Variants in FRMD4A observed in about 807,000 individuals in gnomAD.
The protein encoded by FRMD4A is FERM domain-containing protein 4A.
FRMD4A carries 29 observed loss-of-function variants against 129.1 expected under a neutral mutation model. The ratio of observed to expected loss-of-function variants is 0.22; its 90% CI spans 0.17 to 0.31. The LOEUF is 0.31. FRMD4A is among the 10% of genes least tolerant of loss of function. The probability of loss-of-function intolerance (pLI) is 1.00; values close to 1 mark genes in which losing one functional copy is unlikely to be tolerated. For synonymous variants in FRMD4A, 634 were observed against 571.6 expected (o/e 1.11, Z -1.56); for missense variants, 1,272 against 1,375.8 (o/e 0.92, Z 1.19).
At chr10:13,665,115 G>T (rs923366860) in intron 18 of FRMD4A, among the ~76,000 whole-genome samples, 1 of 151,870 alleles carries the variant, frequency 6.6e-6, no homozygotes, top group Non-Finnish European at 1.5e-5. Context: ...CAGGTGATCC[G>T]CCCGCCTCAG....
intron 2 of FRMD4A, among the ~76,000 whole-genome samples, chr10:14,126,427 C>T (rs1292938584): frequency 6.6e-6 from 1 of 152,068 alleles, no homozygotes; most frequent in Non-Finnish European, 1.5e-5. Context: ...CCTCAGCCTC[C>T]TAAAGTTCTG....
At chr10:14,164,396 G>A (rs895570074) in intron 2 of FRMD4A, among the ~76,000 whole-genome samples, 9 of 152,164 alleles carry the variant, frequency 5.9e-5, no homozygotes, top group African/African-American at 2.2e-4. Flanking sequence ...TGAGCCCCAG[G>A]TCCTGCATCC....
At position 13,785,968 on chromosome 10, in the gene FRMD4A, C is replaced by T. The variant is rs187399266; in HGVS notation, c.300-2962G>A. Among the ~76,000 whole-genome samples the T allele has an allele frequency of 9.6e-3, 1,455 of 152,186 alleles. 22 individuals carry two copies. Among genetic ancestry groups the T allele is most frequent in the African/African-American group, 0.033 (1,353 of 41,530 alleles). ...ACATGAACTCATCCTTTTTTGTGGC[C>T]GCATAGTATTCCATGGTGTATATGT... On this transcript the variant is annotated intron_variant, in intron 5 of 24. Coordinates refer to ENST00000357447, the MANE Select transcript of FRMD4A (RefSeq NM_018027.5).
chr10:13,996,429 C>A (rs1599906), intron 2 of FRMD4A, among the ~76,000 whole-genome samples: 40,155 of 152,160 alleles, frequency 0.26, 6,103 homozygotes, highest in East Asian at 0.6. Flanking sequence ...CTCATCTACA[C>A]CCAGGCACAT....
intron 3 of FRMD4A, among the ~76,000 whole-genome samples, chr10:13,828,142 AG>A (rs1564870217): frequency 6.6e-6 from 1 of 152,228 alleles, no homozygotes; most frequent in African/African-American, 2.4e-5. Context: ...TCTTGAAAGC[AG>A]GGATGGTATT....
intron 2 of FRMD4A, among the ~76,000 whole-genome samples, chr10:14,052,856 G>A (rs545218190): frequency 2.0e-5 from 3 of 152,196 alleles, no homozygotes; most frequent in Admixed American, 6.5e-5. Context: ...GAGCCACTGC[G>A]CTCAGCCACC....
chr10:13,777,133 C>T (rs1184922491), intron 6 of FRMD4A, among the ~76,000 whole-genome samples: 1 of 152,178 alleles, frequency 6.6e-6, no homozygotes, highest in Admixed American at 6.5e-5. Context: ...CCTGGGTCTG[C>T]CCGGCAGCAA....
At chr10:13,695,905 C>T (rs2086183331) in intron 14 of FRMD4A, among the ~76,000 whole-genome samples, 2 of 152,202 alleles carry the variant, frequency 1.3e-5, no homozygotes, top group Non-Finnish European at 2.9e-5. Context: ...CCTCTGCCCT[C>T]GACGTTGCTG....
chr10:14,269,653 C>T (rs995445585), intron 2 of FRMD4A, among the ~76,000 whole-genome samples: 5 of 152,078 alleles, frequency 3.3e-5, no homozygotes, highest in Admixed American at 6.6e-5. Flanking sequence ...ATGATTAGAC[C>T]GGGTCCACCT....
intron 2 of FRMD4A, among the ~76,000 whole-genome samples, chr10:14,276,512 T>C (rs72778678): frequency 1.5e-3 from 222 of 152,360 alleles, no homozygotes; most frequent in Non-Finnish European, 2.5e-3. Context: ...CCCAGTCATG[T>C]GGCCTTTTGG....
chr10:13,857,099 C>A (rs1311526062), intron 3 of FRMD4A, among the ~76,000 whole-genome samples: 1 of 152,108 alleles, frequency 6.6e-6, no homozygotes, highest in Non-Finnish European at 1.5e-5. Flanking sequence ...TGACTTTAGG[C>A]CATAGAGTCT....
intron 22 of FRMD4A, 52 bp downstream of exon 22, chr10:13,656,584 C>T: frequency 7.5e-7 from 1 of 1,341,348 alleles, no homozygotes; most frequent in Non-Finnish European, 9.6e-7. Flanking sequence ...TTGACACCGG[C>T]AAGCAGTTCG....
At chr10:13,755,187 T>C (rs1037850255) in intron 8 of FRMD4A, among the ~76,000 whole-genome samples, 2 of 152,212 alleles carry the variant, frequency 1.3e-5, no homozygotes, top group African/African-American at 4.8e-5. Flanking sequence ...GAAAATTAGT[T>C]CTTCGTGTTC....
intron 23 of FRMD4A, chr10:13,653,981 A>T (rs989143481): frequency 7.7e-5 from 19 of 246,058 alleles, no homozygotes; most frequent in African/African-American, 4.5e-4. Flanking sequence ...TTTTTCTTGC[A>T]CCCTGAGACA....
At chr10:14,137,727 G>A (rs2131837139) in intron 2 of FRMD4A, among the ~76,000 whole-genome samples, 1 of 152,208 alleles carries the variant, frequency 6.6e-6, no homozygotes, top group South Asian at 2.1e-4. Flanking sequence ...GCCATCAATT[G>A]CATATATGTT....
chr10:13,741,524 G>A (rs573144681), intron 9 of FRMD4A, among the ~76,000 whole-genome samples: 53 of 152,228 alleles, frequency 3.5e-4, no homozygotes, highest in African/African-American at 1.3e-3. Context: ...AAATGGTACC[G>A]TGGGAACAAG....
intron 3 of FRMD4A, among the ~76,000 whole-genome samples, chr10:13,841,882 C>A (rs7070823): frequency 0.29 from 43,809 of 152,068 alleles, 6,607 homozygotes; most frequent in Middle Eastern, 0.43. Context: ...GGACCCCCAA[C>A]CTTGCAGCTG....
intron 6 of FRMD4A, among the ~76,000 whole-genome samples, chr10:13,775,763 G>A (rs1180713058): frequency 6.6e-6 from 1 of 152,182 alleles, no homozygotes; most frequent in Non-Finnish European, 1.5e-5. Context: ...AACAACAGCA[G>A]TAGCAGCTGC....
At chr10:13,916,139 C>T (rs1342377531) in intron 2 of FRMD4A, among the ~76,000 whole-genome samples, 1 of 152,212 alleles carries the variant, frequency 6.6e-6, no homozygotes, top group Non-Finnish European at 1.5e-5. Flanking sequence ...AGCCCTGCTA[C>T]ACCCTGTGGC....
Sources: allele counts gnomAD v4.1 joint callset (sites outside exome capture counted in the v4.1 genomes callset), GRCh38; gene constraint gnomAD v4.1.1; transcripts MANE v1.5; gene names NCBI Gene and HGNC (gene_info 2026-07-23, HGNC 2026-07-21).